FBXO3: variants seen among roughly 807,000 people sequenced by gnomAD.
The protein encoded by FBXO3 is F-box only protein 3.
FBXO3 carries 17 observed loss-of-function variants against 64.8 expected under a neutral mutation model. The ratio of observed to expected loss-of-function variants is 0.26; its 90% CI spans 0.18 to 0.39. The LOEUF (loss-of-function observed/expected upper bound fraction) is 0.39, where lower values mean the gene tolerates loss of function less well. FBXO3 is among the 10% of genes least tolerant of loss of function. FBXO3 has a pLI of 1.00. For synonymous variants in FBXO3, 182 were observed against 201.6 expected, an observed-to-expected ratio of 0.90 and a Z score of 0.82; for missense variants, 420 against 589.9, an observed-to-expected ratio of 0.71 and a Z score of 2.98.
At chr11:33,763,527 G>A (rs1855291049) in intron 3 of FBXO3, among the ~76,000 whole-genome samples, 1 of 150,106 alleles carries the variant, frequency 6.7e-6, no homozygotes, top group African/African-American at 2.5e-5. Flanking sequence ...ATGCAGACAA[G>A]GCATTTGATA....
At chr11:33,744,888 G>C (rs1407951725) in intron 10 of FBXO3, 1 of 151,968 alleles carries the variant, frequency 6.6e-6, no homozygotes, top group African/African-American at 2.4e-5. Context: ...AGAATTCTTC[G>C]GAGTCCTCAA....
rs774442420 is a variant in FBXO3, at chr11:33,741,998, C to A, written c.1326G>T (p.Met442Ile). Residue 442 changes from methionine (M) to isoleucine (I), a missense_variant, in exon 11 of 11, where the codon ATG becomes ATT. Physicochemically the swap from Met to Ile is conservative, Grantham distance 10. Around this residue, in one of 3 missense-constraint regions of FBXO3, gnomAD observed 57 missense variants for 55.4 expected, o/e 1.03. Coordinates refer to ENST00000265651, the MANE Select transcript of FBXO3 (RefSeq NM_012175.4). ...EEDEDDDSAD[M>I]DESDEDDEEE... ...CTTCATCATCTTCATCTGATTCATC[C>A]ATATCTGCTGAATCATCATCCTCGT... 2.5e-6 allele frequency: 4 copies of A among 1,604,866 alleles called. No individual in the cohort carries two copies. Among genetic ancestry groups the A allele is most frequent in the Non-Finnish European group, 3.4e-6 (4 of 1,171,718 alleles).
intron 3 of FBXO3, among the ~76,000 whole-genome samples, chr11:33,759,249 T>G (rs1402133489): frequency 6.6e-6 from 1 of 151,722 alleles, no homozygotes; most frequent in Non-Finnish European, 1.5e-5. Flanking sequence ...GGGAGAGGGG[T>G]CCAGGAGAAG....
intron 3 of FBXO3, among the ~76,000 whole-genome samples, chr11:33,764,205 A>T (rs1855311663): frequency 6.6e-6 from 1 of 152,244 alleles, no homozygotes; most frequent in Admixed American, 6.5e-5. Context: ...ACTCTGTTAC[A>T]CTCAAAAAGA....
At chr11:33,769,761 C>T (rs1855464708) in intron 2 of FBXO3, among the ~76,000 whole-genome samples, 1 of 150,128 alleles carries the variant, frequency 6.7e-6, no homozygotes, top group African/African-American at 2.5e-5. Flanking sequence ...ACTCCTAATT[C>T]TGATCTGGAT....
chr11:33,749,727 G>T (rs1367154238), intron 8 of FBXO3, among the ~76,000 whole-genome samples: 2 of 152,098 alleles, frequency 1.3e-5, no homozygotes, highest in African/African-American at 4.8e-5. Flanking sequence ...GGAATCTGGT[G>T]TCTCTTATTT....
At chr11:33,749,337 T>C (rs547163953) in intron 8 of FBXO3, among the ~76,000 whole-genome samples, 1 of 151,804 alleles carries the variant, frequency 6.6e-6, no homozygotes. Flanking sequence ...TAAGACAAGA[T>C]GTCACCAGTT....
intron 10 of FBXO3, chr11:33,742,454 C>T (rs139621788): frequency 2.4e-4 from 39 of 160,748 alleles, no homozygotes; most frequent in Non-Finnish European, 3.9e-4. Context: ...CAGGTGCATG[C>T]GACCCAGCCC....
chr11:33,748,720 A>G (rs1854878352), intron 9 of FBXO3, 57 bp downstream of exon 9: 2 of 1,096,974 alleles, frequency 1.8e-6, no homozygotes, highest in Middle Eastern at 4.1e-4. Flanking sequence ...TTAGGATGCA[A>G]AGTCTAACAT....
rs145079432 is a variant in FBXO3, at chr11:33,755,957, T to C, written c.492A>G (p.Ala164=). ...CTTCAGAACGATAGTGATTAGACAG[T>C]GCCATGCTTCCCAATAACCTGAGGA... ...LVVPGLLGSM[A]LSNHYRSEDL... Residue 164 remains alanine, a synonymous_variant, in exon 5 of 11, where the codon GCA becomes GCG. Transcript: ENST00000265651. The C allele has an allele frequency of 3.2e-5, 51 of 1,613,956 alleles. No homozygotes were observed. The highest frequency in any genetic ancestry group is 3.3e-5 in the Admixed American group (2 of 59,992).
chr11:33,752,960 C>CA (rs898592737), intron 6 of FBXO3, among the ~76,000 whole-genome samples: 7 of 152,180 alleles, frequency 4.6e-5, no homozygotes, highest in African/African-American at 1.7e-4. Flanking sequence ...GACTAGGCAG[C>CA]ATTCACTACT....
chr11:33,774,402 A>G lies in FBXO3; in HGVS notation c.96T>C (p.Asp32=), dbSNP rs2133632564. The G allele has an allele frequency of 6.2e-7, 1 of 1,605,104 alleles. No individual in the cohort carries two copies. Among genetic ancestry groups the G allele is most frequent in the Non-Finnish European group, 8.5e-7 (1 of 1,176,134 alleles). The change falls in exon 1 of 11, where the codon GAT becomes GAC. Residue 32 remains aspartate, a synonymous_variant. Transcript: ENST00000265651. ...GCGTGTCGTCCCATTACTTGATTAGATCCCGATAGTCCAAAAAGGATAAGA... is the reference window on the plus strand; with the variant it reads ...GCGTGTCGTCCCATTACTTGATTAGGTCCCGATAGTCCAAAAAGGATAAGA... ...LLILSFLDYR[D]LINCCYVSRR...
chr11:33,769,136 A>T, intron 2 of FBXO3, 122 bp from the exon 3 acceptor site: 1 of 847,814 alleles, frequency 1.2e-6, no homozygotes, highest in Admixed American at 3.4e-5. Flanking sequence ...TTTAGCCACA[A>T]ATGAAGATCA....
intron 4 of FBXO3, among the ~76,000 whole-genome samples, chr11:33,757,914 C>G (rs1413856424): frequency 6.7e-6 from 1 of 149,654 alleles, no homozygotes; most frequent in Non-Finnish European, 1.5e-5. Context: ...TGAGATCATG[C>G]TACTATACTC....
chr11:33,765,096 C>G (rs1855335212), intron 3 of FBXO3, among the ~76,000 whole-genome samples: 1 of 152,102 alleles, frequency 6.6e-6, no homozygotes, highest in Admixed American at 6.5e-5. Flanking sequence ...GATCCTGGAA[C>G]AGAAAAAGGA....
At chr11:33,769,702 T>C (rs551646874) in intron 2 of FBXO3, among the ~76,000 whole-genome samples, 2 of 151,634 alleles carry the variant, frequency 1.3e-5, no homozygotes, top group Admixed American at 6.6e-5. Flanking sequence ...GTGATGAATA[T>C]AGAAGGAGGG....
Position 33,748,677 on chromosome 11 carries a change from G to C in FBXO3, c.1048+100C>G, listed in dbSNP as rs994003360. ...TAATGCTTAAGGGATTAAATTAATA[G>C]GATAACGACCTTTATACATTTATAT... On this transcript the variant is annotated intron_variant, in intron 9 of 10. Coordinates refer to ENST00000265651, the MANE Select transcript of FBXO3 (RefSeq NM_012175.4). 1.6e-5 allele frequency: 10 copies of C among 624,708 alleles called. No individual in the cohort carries two copies. In the African/African-American group the frequency reaches 1.8e-4, roughly 11 times the overall value. 38.7% of individuals were successfully genotyped at this position (624,708 alleles called of 1,614,324 possible).
chr11:33,742,698 C>T (rs867303235), intron 10 of FBXO3: 1 of 152,298 alleles, frequency 6.6e-6, no homozygotes, highest in Middle Eastern at 3.4e-3. Context: ...TATGCACTGT[C>T]AACAAGAGAT....
intron 3 of FBXO3, 96 bp downstream of exon 3, chr11:33,768,755 C>A: frequency 7.0e-7 from 1 of 1,435,054 alleles, no homozygotes; most frequent in South Asian, 1.1e-5. Flanking sequence ...TGGGTTAACA[C>A]AGTTGCGTAG....
Sources: gnomAD v4.1 joint callset for allele counts (sites outside exome capture counted in the v4.1 genomes callset) on GRCh38, gnomAD v4.1.1 for gene constraint, gnomAD v4.1.1 regional missense constraint, MANE v1.5 for transcripts, NCBI Gene and HGNC (gene_info 2026-07-23, HGNC 2026-07-21) for gene names.